PPARGC1A: variants seen among roughly 807,000 people sequenced by gnomAD.
PPARGC1A encodes the protein peroxisome proliferator-activated receptor gamma coactivator 1-alpha.
A neutral mutation model predicts 88.7 loss-of-function variants in PPARGC1A; 25 were observed. The ratio of observed to expected loss-of-function variants is 0.28; its 90% CI spans 0.21 to 0.39. The LOEUF is 0.39. Ranked by LOEUF, PPARGC1A falls within the 10% of genes least tolerant of loss-of-function variation. The probability of loss-of-function intolerance (pLI) is 1.00; values close to 1 mark genes in which losing one functional copy is unlikely to be tolerated. For synonymous variants in PPARGC1A, 363 were observed against 355.6 expected (o/e 1.02, Z -0.24); for missense variants, 880 against 968.7 (o/e 0.91, Z 1.22).
At chr4:24,384,603 A>T in the PPARGC1A span, among the ~76,000 whole-genome samples, 1 of 151,414 alleles carries the variant, frequency 6.6e-6, no homozygotes, top group Non-Finnish European at 1.5e-5. Flanking sequence ...CTAGTCTCTG[A>T]TAAAACAGAC....
Position 23,845,694 on chromosome 4 carries a change from G to A in PPARGC1A, c.235-13943C>T, listed in dbSNP as rs190467534. The stretch of plus-strand genomic sequence containing the variant: ...GTCTTTGACTCCTTGACTAACTTTC[G>A]TATTCCACTAAAGTGCTCTGCACAG... On this transcript the variant is annotated intron_variant, in intron 2 of 12. Transcript: ENST00000264867. Among the ~76,000 whole-genome samples the A allele has an allele frequency of 8.5e-5, 13 of 152,168 alleles. No individual in the cohort carries two copies. In the South Asian group the frequency reaches 1.2e-3, roughly 15 times the overall value.
chr4:24,163,524 G>A, the PPARGC1A span, among the ~76,000 whole-genome samples: 9 of 152,154 alleles, frequency 5.9e-5, no homozygotes, highest in Non-Finnish European at 1.2e-4. Context: ...TGACCTTTCC[G>A]AAAATTAAGA....
chr4:24,220,237 G>C, the PPARGC1A span, among the ~76,000 whole-genome samples: 8 of 152,324 alleles, frequency 5.3e-5, no homozygotes, highest in East Asian at 1.5e-3. Flanking sequence ...ATGTTGGCGA[G>C]GTTGCAGAGA....
At chr4:24,126,648 G>C in the PPARGC1A span, among the ~76,000 whole-genome samples, 1 of 152,134 alleles carries the variant, frequency 6.6e-6, no homozygotes, top group Non-Finnish European at 1.5e-5. Context: ...TGCCCCAAAG[G>C]TTACCCCATG....
At chr4:23,950,136 G>A in the PPARGC1A span, among the ~76,000 whole-genome samples, 1 of 152,076 alleles carries the variant, frequency 6.6e-6, no homozygotes, top group Non-Finnish European at 1.5e-5. Flanking sequence ...TAGACCCAAA[G>A]TAGATTTCAA....
the PPARGC1A span, among the ~76,000 whole-genome samples, chr4:24,230,418 A>G: frequency 6.6e-6 from 1 of 152,120 alleles, no homozygotes; most frequent in East Asian, 1.9e-4. Context: ...CCCATCTTAT[A>G]TGGATGCTTC....
chr4:24,290,256 T>C, the PPARGC1A span, among the ~76,000 whole-genome samples: 1 of 152,262 alleles, frequency 6.6e-6, no homozygotes, highest in Non-Finnish European at 1.5e-5. Context: ...GGGGTATAGG[T>C]GGTGTTTGGT....
chr4:24,145,477 C>T, the PPARGC1A span, among the ~76,000 whole-genome samples: 5 of 152,332 alleles, frequency 3.3e-5, no homozygotes, highest in Admixed American at 1.3e-4. Flanking sequence ...CCTTAACCTG[C>T]TTCCTTGACT....
chr4:24,190,244 G>A, the PPARGC1A span, among the ~76,000 whole-genome samples: 1 of 152,182 alleles, frequency 6.6e-6, no homozygotes, highest in Non-Finnish European at 1.5e-5. Flanking sequence ...GGGCGGGTAC[G>A]GAGGCTCACG....
chr4:24,360,975 C>A, the PPARGC1A span, among the ~76,000 whole-genome samples: 2 of 152,084 alleles, frequency 1.3e-5, no homozygotes, highest in African/African-American at 4.8e-5. Context: ...ACAGACTTCA[C>A]AAAGGAGATG....
At chr4:24,395,069 A>G in the PPARGC1A span, among the ~76,000 whole-genome samples, 1 of 152,208 alleles carries the variant, frequency 6.6e-6, no homozygotes, top group Non-Finnish European at 1.5e-5. Context: ...CCTGGGTTCA[A>G]GTCCTACTTC....
the PPARGC1A span, among the ~76,000 whole-genome samples, chr4:24,049,308 G>GTATATATATATATATA: frequency 1.3e-3 from 180 of 139,544 alleles, no homozygotes; most frequent in Non-Finnish European, 2.4e-3. Context: ...ATATATGTGT[G>GTATATATATATATATA]TATATATATA....
chr4:24,199,771 G>C, the PPARGC1A span, among the ~76,000 whole-genome samples: 2 of 152,168 alleles, frequency 1.3e-5, no homozygotes, highest in Non-Finnish European at 2.9e-5. Flanking sequence ...GGTTGAGATT[G>C]TCAATTAGTA....
chr4:24,095,859 G>A, the PPARGC1A span, among the ~76,000 whole-genome samples: 1 of 152,188 alleles, frequency 6.6e-6, no homozygotes, highest in Admixed American at 6.5e-5. Context: ...CCACTTCTAT[G>A]AGGGACTTAA....
intron 4 of PPARGC1A, 129 bp downstream of exon 4, chr4:23,829,334 T>C (rs1724580320): frequency 4.1e-6 from 4 of 978,660 alleles, no homozygotes; most frequent in Middle Eastern, 3.3e-4. Flanking sequence ...CCATTCATAA[T>C]CTATTTCATC....
intron 10 of PPARGC1A, 65 bp downstream of exon 10, chr4:23,812,682 A>G (rs953311036): frequency 8.2e-6 from 13 of 1,593,154 alleles, no homozygotes; most frequent in East Asian, 2.2e-5. Flanking sequence ...ATCTATCACC[A>G]AAAAAAGCAC....
chr4:23,874,729 T>G (rs759088950), intron 2 of PPARGC1A, among the ~76,000 whole-genome samples: 3 of 152,216 alleles, frequency 2.0e-5, no homozygotes, highest in Non-Finnish European at 4.4e-5. Flanking sequence ...CTTGATCAGG[T>G]GCCTGAGAAC....
At chr4:23,950,058 TAGAA>T in the PPARGC1A span, among the ~76,000 whole-genome samples, 1 of 152,300 alleles carries the variant, frequency 6.6e-6, no homozygotes, top group African/African-American at 2.4e-5. Flanking sequence ...CTTGGGCACT[TAGAA>T]AGGCAGATAG....
At chr4:23,939,862 C>A in the PPARGC1A span, among the ~76,000 whole-genome samples, 1 of 152,226 alleles carries the variant, frequency 6.6e-6, no homozygotes, top group African/African-American at 2.4e-5. Context: ...ATAATAAGAA[C>A]CTCAGCATCT....
Sources: allele counts gnomAD v4.1 joint callset (sites outside exome capture counted in the v4.1 genomes callset), GRCh38; gene constraint gnomAD v4.1.1; transcripts MANE v1.5; gene names NCBI Gene and HGNC (gene_info 2026-07-23, HGNC 2026-07-21).